The following SERPING1 variants were observed in gnomAD, a reference collection of about 807,000 sequenced individuals.
The protein encoded by SERPING1 is plasma protease C1 inhibitor.
A neutral mutation model predicts 34.1 loss-of-function variants in SERPING1; 5 were observed. The ratio of observed to expected loss-of-function variants is 0.15; its 90% CI spans 0.08 to 0.31. The LOEUF (loss-of-function observed/expected upper bound fraction) is 0.31, where lower values mean the gene tolerates loss of function less well. Among genes scored for constraint, SERPING1 ranks in the 10% least tolerant of loss-of-function variants. The probability of loss-of-function intolerance (pLI) is 1.00; values close to 1 mark genes in which losing one functional copy is unlikely to be tolerated. For synonymous variants in SERPING1, 225 were observed against 242.4 expected (o/e 0.93, Z 0.67); for missense variants, 505 against 609.5 (o/e 0.83, Z 1.81).
At chr11:57,607,024 A>G (rs898053480) in intron 6 of SERPING1, among the ~76,000 whole-genome samples, 3 of 152,258 alleles carry the variant, frequency 2.0e-5, no homozygotes, top group African/African-American at 7.2e-5. Context: ...TGAACAATTT[A>G]GTTTGATGAG....
chr11:57,599,117 G>C (rs998016867), intron 2 of SERPING1, among the ~76,000 whole-genome samples: 1 of 152,138 alleles, frequency 6.6e-6, no homozygotes, highest in African/African-American at 2.4e-5. Context: ...GAGCTAATGC[G>C]TGGTTTCTCA....
chr11:57,607,753 G>A (rs535188507), intron 6 of SERPING1, among the ~76,000 whole-genome samples: 2 of 152,262 alleles, frequency 1.3e-5, no homozygotes, highest in African/African-American at 4.8e-5. Flanking sequence ...TCTGCCTCCC[G>A]AGTTCAAGCA....
In SERPING1 at chr11:57,600,331, C is replaced by G. The variant is rs1017965152; in HGVS notation, c.504C>G (p.Ala168=). The G allele has an allele frequency of 4.3e-6, 7 of 1,613,176 alleles. No individual in the cohort carries two copies. The highest frequency in any genetic ancestry group is 5.9e-6 in the Non-Finnish European group (7 of 1,180,030). Residue 168 remains alanine, a synonymous_variant, in exon 3 of 8, where the codon GCC becomes GCG. Coordinates refer to ENST00000278407, the MANE Select transcript of SERPING1 (RefSeq NM_000062.3). ...TGAAGAAGGTGGAGACCAACATGGC[C>G]TTTTCCCCATTCAGCATCGCCAGCC... ...SAMKKVETNM[A]FSPFSIASLL... is the part of the protein sequence containing the mutation.
At chr11:57,609,843 G>A (rs761236818) in intron 6 of SERPING1, among the ~76,000 whole-genome samples, 2 of 152,102 alleles carry the variant, frequency 1.3e-5, no homozygotes, top group Non-Finnish European at 2.9e-5. Flanking sequence ...CTCACTTACT[G>A]TAACCTCAAG....
intron 4 of SERPING1, among the ~76,000 whole-genome samples, 153 bp downstream of exon 4, chr11:57,602,322 A>G (rs555130988): frequency 1.6e-4 from 24 of 152,360 alleles, no homozygotes; most frequent in African/African-American, 5.5e-4. Flanking sequence ...TGGCAGGAGC[A>G]TTAGGTCACT....
chr11:57,602,564 G>T (rs992254344), intron 4 of SERPING1, among the ~76,000 whole-genome samples: 1 of 151,764 alleles, frequency 6.6e-6, no homozygotes, highest in Non-Finnish European at 1.5e-5. Flanking sequence ...AGACCAGCCT[G>T]ACCAACATGG....
intron 7 of SERPING1, among the ~76,000 whole-genome samples, chr11:57,613,408 A>G (rs185486270): frequency 3.8e-4 from 58 of 152,336 alleles, no homozygotes; most frequent in African/African-American, 1.2e-3. Context: ...CCAACCAGCT[A>G]TAATTTGGAG....
Position 57,614,763 on chromosome 11 carries a change from C to A in SERPING1, c.*182C>A. On this transcript the variant is annotated 3_prime_UTR_variant, in exon 8 of 8. Transcript: ENST00000278407. ...TGCTTCTATTAGCCCTTCTCCATGGCCCTGCCATGCTCTCCAAACCACTTT... is the reference window on the plus strand; with the variant it reads ...TGCTTCTATTAGCCCTTCTCCATGGACCTGCCATGCTCTCCAAACCACTTT... 1 of 659,644 alleles carries A rather than the reference C, an allele frequency of 1.5e-6. No individual in the cohort carries two copies. Among genetic ancestry groups the A allele is most frequent in the Non-Finnish European group, 2.5e-6 (1 of 393,526 alleles). 40.9% of individuals were successfully genotyped at this position (659,644 alleles called of 1,614,324 possible).
chr11:57,609,684 C>T (rs774449580), intron 6 of SERPING1, among the ~76,000 whole-genome samples: 5 of 152,190 alleles, frequency 3.3e-5, no homozygotes, highest in Admixed American at 6.5e-5. Context: ...TTTTTTCTAT[C>T]TACAAACATA....
chr11:57,606,835 T>C, intron 6 of SERPING1: 1 of 631,080 alleles, frequency 1.6e-6, no homozygotes, highest in Non-Finnish European at 2.9e-6. Context: ...TCTGTTTCTT[T>C]TTCCAGTCAA....
chr11:57,604,933 C>A (rs556573988), intron 4 of SERPING1, among the ~76,000 whole-genome samples: 1 of 151,366 alleles, frequency 6.6e-6, no homozygotes, highest in Non-Finnish European at 1.5e-5. Flanking sequence ...CCAAGGAATT[C>A]GAAGTTAGAG....
At chr11:57,603,409 T>C (rs1945372647) in intron 4 of SERPING1, among the ~76,000 whole-genome samples, 1 of 151,682 alleles carries the variant, frequency 6.6e-6, no homozygotes, top group Admixed American at 6.6e-5. Flanking sequence ...TACCCTGGCA[T>C]GGTGGTGTGC....
Position 57,606,161 on chromosome 11 carries a change from C to T in SERPING1, c.837C>T (p.Asp279=), listed in dbSNP as rs1406938278. 1.9e-6 allele frequency: 3 copies of T among 1,614,056 alleles called. No homozygotes were observed. Among genetic ancestry groups the T allele is most frequent in the Non-Finnish European group, 2.5e-6 (3 of 1,180,044 alleles). The change falls in exon 5 of 8, where the codon GAC becomes GAT. Residue 279 remains aspartate, a synonymous_variant. Coordinates refer to ENST00000278407, the MANE Select transcript of SERPING1 (RefSeq NM_000062.3). ...NTNNKISRLL[D]SLPSDTRLVL... ...ACAACAAGATCAGCCGGCTGCTAGA[C>T]AGTCTGCCCTCCGATACCCGCCTTG...
intron 4 of SERPING1, chr11:57,605,794 G>C (rs937232048): frequency 1.6e-6 from 1 of 620,088 alleles, no homozygotes; most frequent in African/African-American, 1.8e-5. Context: ...GGCAGCGGAG[G>C]CTTGGGGCTA....
intron 3 of SERPING1, among the ~76,000 whole-genome samples, 155 bp downstream of exon 3, chr11:57,600,532 C>G: frequency 6.6e-6 from 1 of 152,144 alleles, no homozygotes; most frequent in Admixed American, 6.6e-5. Flanking sequence ...TCTTTTCATT[C>G]TTGAACATTC....
chr11:57,600,387 T>C lies in SERPING1; in HGVS notation c.550+10T>C. ...ACCCAGGTCCTGCTCGGTAAGACCC[T>C]GCTTGAATTCTCTCCAGGTCATTTG... On this transcript the variant is annotated intron_variant, in intron 3 of 7. Transcript: ENST00000278407. 6.2e-7 allele frequency: 1 copy of C among 1,612,172 alleles called. No homozygotes were observed. The highest frequency in any genetic ancestry group is 8.5e-7 in the Non-Finnish European group (1 of 1,179,968).
Position 57,614,321 on chromosome 11 carries a change from G to A in SERPING1, c.1250-7G>A. On this transcript the variant is annotated splice_polypyrimidine_tract_variant and splice_region_variant and intron_variant, in intron 7 of 7. Coordinates refer to ENST00000278407, the MANE Select transcript of SERPING1 (RefSeq NM_000062.3). Reference sequence around the variant, plus strand: ...TCTGACTCTGTTTTTCTCTGGTTTTGCCCTAGAATTCTTCGATTTTTCTTA... The same window carrying A: ...TCTGACTCTGTTTTTCTCTGGTTTTACCCTAGAATTCTTCGATTTTTCTTA... 1 of 1,613,174 alleles carries A rather than the reference G, an allele frequency of 6.2e-7. No individual in the cohort carries two copies.
chr11:57,605,810 C>T (rs1414950758), intron 4 of SERPING1, 200 bp from the exon 5 acceptor site: 4 of 646,150 alleles, frequency 6.2e-6, no homozygotes, highest in African/African-American at 1.8e-5. Flanking sequence ...GGCTACTTCT[C>T]TTGTTCTTGG....
chr11:57,602,783 C>CA (rs71470278), intron 4 of SERPING1, among the ~76,000 whole-genome samples: 56,601 of 141,900 alleles, frequency 0.4, 11,861 homozygotes, highest in East Asian at 0.75. Flanking sequence ...AAAACAAAAA[C>CA]AAAAAAAAAA....
Sources: gnomAD v4.1 joint callset for allele counts (sites outside exome capture counted in the v4.1 genomes callset) on GRCh38, gnomAD v4.1.1 for gene constraint, MANE v1.5 for transcripts, NCBI Gene and HGNC (gene_info 2026-07-23, HGNC 2026-07-21) for gene names.